The following PDE9A variants were observed in gnomAD, a reference collection of about 807,000 sequenced individuals.
PDE9A encodes the protein phosphodiesterase 9A, also known as high affinity cGMP-specific 3',5'-cyclic phosphodiesterase 9A.
Under a neutral mutation model 87.4 loss-of-function variants are expected in PDE9A, and 60 were observed. The observed-to-expected ratio is 0.69, with a 90% confidence interval of 0.56 to 0.85. The LOEUF is 0.85. Among genes scored for constraint, PDE9A ranks in the 40% least tolerant of loss-of-function variants. The pLI is 0.00. For missense variants in PDE9A, 665 were observed against 779.0 expected, an observed-to-expected ratio of 0.85 and a Z score of 1.74; for synonymous variants, 272 against 279.4, an observed-to-expected ratio of 0.97 and a Z score of 0.27.
chr21:42,754,930 A>G (rs141735636), intron 10 of PDE9A, among the ~76,000 whole-genome samples: 50 of 152,340 alleles, frequency 3.3e-4, no homozygotes, highest in African/African-American at 1.2e-3. Flanking sequence ...GTGTGAGAAC[A>G]GACTAATAAG....
intron 9 of PDE9A, among the ~76,000 whole-genome samples, chr21:42,753,208 G>A (rs563545696): frequency 1.2e-4 from 18 of 152,202 alleles, no homozygotes; most frequent in African/African-American, 4.1e-4. Context: ...ATTCCACCAT[G>A]TTTGCCAGGT....
At chr21:42,693,210 G>A (rs886323297) in intron 3 of PDE9A, among the ~76,000 whole-genome samples, 6 of 152,114 alleles carry the variant, frequency 3.9e-5, no homozygotes, top group African/African-American at 1.4e-4. Context: ...AAGCACACAC[G>A]CCTGCTCTTA....
intron 17 of PDE9A, among the ~76,000 whole-genome samples, chr21:42,769,538 GCACACAAATGCACACACAGGCACA>G (rs2056776300): frequency 2.1e-5 from 2 of 93,888 alleles, no homozygotes; most frequent in Non-Finnish European, 4.1e-5. Flanking sequence ...GCACACACAG[GCACACAAATGCACACACAGGCACA>G]CACACACACA....
At chr21:42,747,004 T>C (rs367707412) in intron 8 of PDE9A, among the ~76,000 whole-genome samples, 2 of 151,948 alleles carry the variant, frequency 1.3e-5, no homozygotes, top group Non-Finnish European at 2.9e-5. Context: ...CGGAACAGGG[T>C]AAAAATTCTC....
At chr21:42,769,222 C>T (rs1307563362) in intron 17 of PDE9A, 67 bp downstream of exon 17, 1 of 1,410,314 alleles carries the variant, frequency 7.1e-7, no homozygotes, top group Admixed American at 1.7e-5. Flanking sequence ...CACAGGCACA[C>T]ACACATATAC....
intron 18 of PDE9A, among the ~76,000 whole-genome samples, chr21:42,771,830 C>A (rs2057047564): frequency 6.6e-6 from 1 of 152,270 alleles, no homozygotes; most frequent in Non-Finnish European, 1.5e-5. Flanking sequence ...AAAATCCAGA[C>A]CAGCTGCCCT....
chr21:42,662,805 C>CG (rs1220817664), intron 1 of PDE9A, among the ~76,000 whole-genome samples: 2 of 139,512 alleles, frequency 1.4e-5, no homozygotes, highest in Admixed American at 7.1e-5. Flanking sequence ...CACACACACA[C>CG]CACACACACG....
chr21:42,737,831 G>A (rs2052627979), intron 7 of PDE9A, among the ~76,000 whole-genome samples: 1 of 152,170 alleles, frequency 6.6e-6, no homozygotes, highest in African/African-American at 2.4e-5. Flanking sequence ...ATTATATTGT[G>A]GTGGACTTGT....
At position 42,723,133 on chromosome 21, in the gene PDE9A, T is replaced by G. The variant is rs9653815; in HGVS notation, c.263-8637T>G. Among the ~76,000 whole-genome samples the G allele has an allele frequency of 6.6e-6, 1 of 152,134 alleles. No individual in the cohort carries two copies. The highest frequency in any genetic ancestry group is 2.4e-5 in the African/African-American group (1 of 41,448). ...GGCTGGCAGCCCATAGGCCCCTCCT[T>G]GGTCCCTCTAGAGGTTTGCTTCATT... On this transcript the variant is annotated intron_variant, in intron 4 of 19. Coordinates refer to ENST00000291539, the MANE Select transcript of PDE9A (RefSeq NM_002606.3). This position sits in a 1 kb window ranked among gnomAD's most constrained non-coding sequence, Gnocchi z 4.3.
At chr21:42,749,967 G>A (rs1007569383) in intron 8 of PDE9A, among the ~76,000 whole-genome samples, 14 of 151,508 alleles carry the variant, frequency 9.2e-5, no homozygotes, top group Admixed American at 2.6e-4. Context: ...GTGAAACCCC[G>A]TCTCTACTAA....
intron 19 of PDE9A, among the ~76,000 whole-genome samples, chr21:42,773,568 G>C (rs1569287753): frequency 1.3e-5 from 2 of 152,216 alleles, no homozygotes; most frequent in African/African-American, 4.8e-5. Context: ...AGCACTTTGG[G>C]AGGCCAAGGC....
chr21:42,746,563 G>T (rs2053872677), intron 8 of PDE9A, among the ~76,000 whole-genome samples: 1 of 152,216 alleles, frequency 6.6e-6, no homozygotes, highest in Admixed American at 6.5e-5. Context: ...CCTCCTCCAG[G>T]ATGACATCCC....
chr21:42,736,242 T>C (rs1399243032), intron 7 of PDE9A, among the ~76,000 whole-genome samples: 1 of 152,168 alleles, frequency 6.6e-6, no homozygotes, highest in African/African-American at 2.4e-5. Context: ...GAGAATTATG[T>C]CGCCCACAAC....
chr21:42,660,653 TA>T lies in PDE9A; in HGVS notation c.69+6775del, dbSNP rs2057414369. Among the ~76,000 whole-genome samples, 4 of 149,742 alleles carry T rather than the reference TA, an allele frequency of 2.7e-5. No individual in the cohort carries two copies. Among genetic ancestry groups the T allele is most frequent in the Middle Eastern group, 3.5e-3 (1 of 284 alleles). On this transcript the variant is annotated intron_variant, in intron 1 of 19. Coordinates refer to ENST00000291539, the MANE Select transcript of PDE9A (RefSeq NM_002606.3). The surrounding 1 kb of genome is among the most constrained non-coding windows in gnomAD (Gnocchi z 4.7). ...AAAAAAAAAAAAAGATTAAAATGGT[TA>T]AAAATAGAAAGTGCACAAGCAAGGG...
rs747844902 is a variant in PDE9A at position 42,753,971 on chromosome 21, G to T, written c.736-19G>T. The T allele has an allele frequency of 9.6e-6, 15 of 1,560,280 alleles. No homozygotes were observed. The highest frequency in any genetic ancestry group is 1.3e-5 in the Non-Finnish European group (15 of 1,132,974). On this transcript the variant is annotated intron_variant, in intron 9 of 19. Transcript: ENST00000291539. The stretch of plus-strand genomic sequence containing the variant: ...AGGCCCACGGCGCCTGGTTAACACG[G>T]AACTCCTGTCCTTTCTAGTACCTGC...
chr21:42,687,954 A>G lies in PDE9A; in HGVS notation c.178A>G (p.Met60Val), dbSNP rs1201484803. The G allele has an allele frequency of 1.2e-5, 19 of 1,613,192 alleles. No homozygotes were observed. The highest frequency in any genetic ancestry group is 1.6e-5 in the Non-Finnish European group (19 of 1,180,000). ...CTCCCTGCTGACCACCGACGACGCCATGGTCTCCATCGACCCCACCATGCC... is the reference window on the plus strand; with the variant it reads ...CTCCCTGCTGACCACCGACGACGCCGTGGTCTCCATCGACCCCACCATGCC... ...TISLLTTDDA[M>V]VSIDPTMPAN... is the part of the protein sequence containing the mutation. Residue 60 changes from methionine to valine, a missense_variant, in exon 3 of 20, where the codon ATG becomes GTG. Physicochemically the swap from Met to Val is conservative, Grantham distance 21. Coordinates refer to ENST00000291539, the MANE Select transcript of PDE9A (RefSeq NM_002606.3).
chr21:42,666,179 C>G (rs1271550440), intron 1 of PDE9A, among the ~76,000 whole-genome samples: 1 of 151,956 alleles, frequency 6.6e-6, no homozygotes, highest in East Asian at 1.9e-4. Context: ...TGGGCGTGGT[C>G]ATCAAGAAAG....
chr21:42,694,492 C>T lies in PDE9A; in HGVS notation c.219-4476C>T, dbSNP rs534094745. On this transcript the variant is annotated intron_variant, in intron 3 of 19. Transcript: ENST00000291539. This position sits in a 1 kb window ranked among gnomAD's most constrained non-coding sequence, Gnocchi z 5.3. ...TCCAAGGGCTCTTGACAGACCACCT[C>T]CATCCTGATCAGAAGGGGTGATGCC... is the stretch of plus-strand genomic sequence containing the variant. Among the ~76,000 whole-genome samples the T allele has an allele frequency of 6.6e-6, 1 of 152,334 alleles. No homozygotes were observed. The highest frequency in any genetic ancestry group is 2.1e-4 in the South Asian group (1 of 4,830).
chr21:42,742,341 C>G (rs1482673354), intron 7 of PDE9A, among the ~76,000 whole-genome samples: 7 of 151,738 alleles, frequency 4.6e-5, no homozygotes, highest in South Asian at 2.1e-4. Context: ...TCAGTCTCCC[C>G]GAGCATTCGG....
Sources: gnomAD v4.1 joint callset for allele counts (sites outside exome capture counted in the v4.1 genomes callset) on GRCh38, gnomAD v4.1.1 for gene constraint, Gnocchi (gnomAD v3.1) non-coding constraint, MANE v1.5 for transcripts, NCBI Gene and HGNC (gene_info 2026-07-23, HGNC 2026-07-21) for gene names.